The following EEPD1 variants were observed in gnomAD, a reference collection of about 807,000 sequenced individuals.
EEPD1 encodes the protein endonuclease/exonuclease/phosphatase family domain-containing protein 1.
In EEPD1, 17 loss-of-function variants were observed where a neutral mutation model predicts 46.3. The observed-to-expected ratio is 0.37, with a 90% CI of 0.25 to 0.55. The LOEUF (loss-of-function observed/expected upper bound fraction) is 0.55, where lower values mean the gene tolerates loss of function less well. Among genes scored for constraint, EEPD1 ranks in the 20% least tolerant of loss-of-function variants. The pLI is 0.83. For synonymous variants in EEPD1, 313 were observed against 315.6 expected (o/e 0.99, Z 0.09); for missense variants, 673 against 745.6 (o/e 0.90, Z 1.13).
At chr7:36,271,795 CCTCCTATTCTATTCTATTCTATTCTATT>C (rs1562708605) in intron 3 of EEPD1, among the ~76,000 whole-genome samples, 1 of 149,356 alleles carries the variant, frequency 6.7e-6, no homozygotes, top group Non-Finnish European at 1.5e-5. Context: ...GGAACATAAG[CCTCCTATTCTATTCTATTCTATTCTATT>C]CTATTCTATT....
At chr7:36,248,944 C>T (rs1267813490) in intron 3 of EEPD1, among the ~76,000 whole-genome samples, 3 of 147,658 alleles carry the variant, frequency 2.0e-5, no homozygotes, top group Non-Finnish European at 3.0e-5. Context: ...ACCTCGCTGC[C>T]GGAAAGTGGG....
At chr7:36,156,218 A>G (rs1195385238) in intron 2 of EEPD1, among the ~76,000 whole-genome samples, 4 of 152,154 alleles carry the variant, frequency 2.6e-5, no homozygotes, top group Non-Finnish European at 4.4e-5. Flanking sequence ...GTGAACTCTC[A>G]GCGGGAAATC....
intron 2 of EEPD1, among the ~76,000 whole-genome samples, chr7:36,215,113 T>C (rs544227023): frequency 6.6e-6 from 1 of 152,306 alleles, no homozygotes; most frequent in African/African-American, 2.4e-5. Context: ...GCAGCTGGAA[T>C]TCATAGCAGT....
chr7:36,294,809 G>A (rs550615627), intron 6 of EEPD1, among the ~76,000 whole-genome samples: 8 of 152,232 alleles, frequency 5.3e-5, no homozygotes, highest in Non-Finnish European at 8.8e-5. Flanking sequence ...ATCAGGCATC[G>A]TTTCTGATGC....
intron 2 of EEPD1, among the ~76,000 whole-genome samples, chr7:36,182,942 C>CT: frequency 6.6e-6 from 1 of 152,312 alleles, no homozygotes; most frequent in South Asian, 2.1e-4. Context: ...CTCATGTGAC[C>CT]TTTGACCCCT....
chr7:36,187,383 C>T (rs1583795880), intron 2 of EEPD1, among the ~76,000 whole-genome samples: 1 of 152,144 alleles, frequency 6.6e-6, no homozygotes, highest in South Asian at 2.1e-4. Flanking sequence ...AACTGTGCCC[C>T]CATTAAACAC....
At position 36,275,404 on chromosome 7, in the gene EEPD1, C is replaced by G. The variant is rs1352588744; in HGVS notation, c.931-5711C>G. On this transcript the variant is annotated intron_variant, in intron 3 of 7. Transcript: ENST00000242108. ...CTGAACTTAGTGGTAGCTGGACAGACCACTGAGTGGAGTTGGAACACCTTT... is the reference window on the plus strand; with the variant it reads ...CTGAACTTAGTGGTAGCTGGACAGAGCACTGAGTGGAGTTGGAACACCTTT... Among the ~76,000 whole-genome samples the G allele has an allele frequency of 5.9e-5, 9 of 152,128 alleles. No homozygotes were observed. The South Asian group carries it at 1.7e-3, about 28-fold the overall frequency.
chr7:36,241,869 GA>G (rs910236223), intron 3 of EEPD1, among the ~76,000 whole-genome samples: 2 of 152,092 alleles, frequency 1.3e-5, no homozygotes, highest in African/African-American at 4.8e-5. Flanking sequence ...CCCTGTCCCA[GA>G]AAAAAACCCA....
intron 3 of EEPD1, among the ~76,000 whole-genome samples, chr7:36,258,744 C>T (rs1216274535): frequency 6.6e-6 from 1 of 152,178 alleles, no homozygotes; most frequent in Non-Finnish European, 1.5e-5. Flanking sequence ...GCCAGTGGAT[C>T]TTAGCCTGCT....
chr7:36,200,457 G>A (rs1031870577), intron 2 of EEPD1, among the ~76,000 whole-genome samples: 4 of 152,118 alleles, frequency 2.6e-5, no homozygotes, highest in African/African-American at 7.2e-5. Context: ...AATTCTTCCT[G>A]TTCTTTTCTA....
intron 3 of EEPD1, among the ~76,000 whole-genome samples, chr7:36,249,000 C>CACAA (rs1415627008): frequency 6.8e-6 from 1 of 147,966 alleles, no homozygotes; most frequent in Non-Finnish European, 1.5e-5. Context: ...ATTAAACACA[C>CACAA]ACACACACAC....
intron 2 of EEPD1, among the ~76,000 whole-genome samples, chr7:36,165,586 A>AATTTATTT (rs57475263): frequency 0.16 from 21,529 of 134,486 alleles, 2,154 homozygotes; most frequent in East Asian, 0.24. Flanking sequence ...CGCCCCAGCT[A>AATTTATTT]ATTTATTTAT....
At chr7:36,202,860 G>A (rs1033895028) in intron 2 of EEPD1, among the ~76,000 whole-genome samples, 3 of 152,190 alleles carry the variant, frequency 2.0e-5, no homozygotes, top group Admixed American at 6.5e-5. Flanking sequence ...ATTCTCTTGA[G>A]TTTGGAGCCC....
intron 2 of EEPD1, among the ~76,000 whole-genome samples, chr7:36,218,209 G>A (rs1332607572): frequency 1.3e-5 from 2 of 152,148 alleles, no homozygotes; most frequent in Non-Finnish European, 2.9e-5. Context: ...ACTGAATACA[G>A]TAGTCCCCCT....
chr7:36,267,208 T>C (rs1787035295), intron 3 of EEPD1, among the ~76,000 whole-genome samples: 1 of 152,216 alleles, frequency 6.6e-6, no homozygotes, highest in Non-Finnish European at 1.5e-5. Flanking sequence ...CTGCAACTTG[T>C]ACTCTATACC....
intron 3 of EEPD1, among the ~76,000 whole-genome samples, chr7:36,253,813 T>C (rs933405024): frequency 6.6e-6 from 1 of 152,194 alleles, no homozygotes; most frequent in Non-Finnish European, 1.5e-5. Flanking sequence ...TTCAGTTACG[T>C]ATATCTTTGC....
rs540457558 is a variant in EEPD1, at chr7:36,242,648, C to T, written c.930+3612C>T. Among the ~76,000 whole-genome samples, 6 of 151,722 alleles carry T rather than the reference C, an allele frequency of 4.0e-5. No individual in the cohort carries two copies. In the East Asian group the frequency reaches 5.8e-4, roughly 15 times the overall value. On this transcript the variant is annotated intron_variant, in intron 3 of 7. Coordinates refer to ENST00000242108, the MANE Select transcript of EEPD1 (RefSeq NM_030636.3). ...CAAGATTGGTCCAGTTGAGGCCAGGCGTAGTGGCTTACACCTGTAATCTCA... is the reference window on the plus strand; with the variant it reads ...CAAGATTGGTCCAGTTGAGGCCAGGTGTAGTGGCTTACACCTGTAATCTCA...
intron 2 of EEPD1, among the ~76,000 whole-genome samples, chr7:36,222,350 AT>A (rs1227926520): frequency 1.3e-5 from 2 of 152,224 alleles, no homozygotes; most frequent in South Asian, 2.1e-4. Context: ...AAAGGTCTTC[AT>A]CTTTATCATC....
In EEPD1 at chr7:36,275,028, C is replaced by T. The variant is rs188495738; in HGVS notation, c.931-6087C>T. ...CATCTTCATCCACCAAAATAGATTG[C>T]GTTTTCAGTGCTACTGCTGAGAACA... On this transcript the variant is annotated intron_variant, in intron 3 of 7. Transcript: ENST00000242108. Among the ~76,000 whole-genome samples, 38 of 152,278 alleles carry T rather than the reference C, an allele frequency of 2.5e-4. No individual in the cohort carries two copies. In the East Asian group the frequency reaches 5.8e-3, roughly 23 times the overall value.
Sources: allele counts gnomAD v4.1 joint callset (sites outside exome capture counted in the v4.1 genomes callset), GRCh38; gene constraint gnomAD v4.1.1; transcripts MANE v1.5; gene names NCBI Gene and HGNC (gene_info 2026-07-23, HGNC 2026-07-21).